ITGA11: variants seen among roughly 807,000 people sequenced by gnomAD.
The protein encoded by ITGA11 is integrin alpha-11.
Under a neutral mutation model 141.9 loss-of-function variants are expected in ITGA11, and 97 were observed. The ratio of observed to expected loss-of-function variants is 0.68; its 90% CI spans 0.58 to 0.81. The LOEUF (loss-of-function observed/expected upper bound fraction) is 0.81, where lower values mean the gene tolerates loss of function less well. Ranked by LOEUF, ITGA11 falls within the 30% of genes least tolerant of loss-of-function variation. The pLI is 0.00. For missense variants in ITGA11, 1,387 were observed against 1,559.2 expected (o/e 0.89, Z 1.86); for synonymous variants, 658 against 624.6 (o/e 1.05, Z -0.80).
intron 2 of ITGA11, among the ~76,000 whole-genome samples, chr15:68,387,537 G>T (rs1342433607): frequency 6.6e-6 from 1 of 152,234 alleles, no homozygotes; most frequent in Non-Finnish European, 1.5e-5. Context: ...GCTAAGGTTT[G>T]AGAGTCATTG....
intron 1 of ITGA11, among the ~76,000 whole-genome samples, chr15:68,418,369 C>T (rs1358570061): frequency 6.6e-6 from 1 of 152,170 alleles, no homozygotes; most frequent in African/African-American, 2.4e-5. Context: ...ACTTAGAGTA[C>T]TGGATTTGGC....
At chr15:68,372,630 G>T (rs1031435458) in intron 2 of ITGA11, among the ~76,000 whole-genome samples, 3 of 152,162 alleles carry the variant, frequency 2.0e-5, no homozygotes, top group African/African-American at 7.2e-5. Flanking sequence ...CTCTAAGAAG[G>T]GCCTTGCCAA....
At chr15:68,396,549 T>C (rs1462796326) in intron 2 of ITGA11, among the ~76,000 whole-genome samples, 1 of 151,914 alleles carries the variant, frequency 6.6e-6, no homozygotes, top group African/African-American at 2.4e-5. Flanking sequence ...CCACTTCTTT[T>C]TGACCTTGCA....
intron 1 of ITGA11, among the ~76,000 whole-genome samples, chr15:68,409,656 A>G (rs974282091): frequency 2.7e-5 from 4 of 150,610 alleles, no homozygotes; most frequent in African/African-American, 9.8e-5. Flanking sequence ...ATAGTCCCCT[A>G]CCACTTAGAT....
chr15:68,415,552 C>T (rs1436623558), intron 1 of ITGA11, among the ~76,000 whole-genome samples: 1 of 152,194 alleles, frequency 6.6e-6, no homozygotes, highest in Non-Finnish European at 1.5e-5. Context: ...AACAGCACGT[C>T]CCCAGTCCAC....
intron 2 of ITGA11, among the ~76,000 whole-genome samples, chr15:68,396,094 A>T (rs1457686226): frequency 1.3e-5 from 2 of 152,054 alleles, no homozygotes; most frequent in Non-Finnish European, 2.9e-5. Context: ...CCAAAAAGAA[A>T]ATTTACAGGT....
chr15:68,380,203 T>C (rs1359663165), intron 2 of ITGA11, among the ~76,000 whole-genome samples: 2 of 152,122 alleles, frequency 1.3e-5, no homozygotes, highest in African/African-American at 2.4e-5. Context: ...CCACAGGGAT[T>C]TGGGTAACGC....
In ITGA11 at chr15:68,313,765, G is replaced by C; in HGVS notation, c.2882+14C>G. The C allele has an allele frequency of 6.2e-7, 1 of 1,611,474 alleles. No homozygotes were observed. Reference sequence around the variant, plus strand: ...ATGCCTTCCCTCTCCTGGGGCCCCCGGAGCCCGGCCCACCTGGTGAAGAGG... The same window carrying C: ...ATGCCTTCCCTCTCCTGGGGCCCCCCGAGCCCGGCCCACCTGGTGAAGAGG... On this transcript the variant is annotated intron_variant, in intron 23 of 29. Coordinates refer to ENST00000315757, the MANE Select transcript of ITGA11 (RefSeq NM_001004439.2).
At chr15:68,370,316 T>TGCCCTGGAGGAAAAGCCTGCG (rs1895549122) in intron 2 of ITGA11, among the ~76,000 whole-genome samples, 1 of 152,178 alleles carries the variant, frequency 6.6e-6, no homozygotes, top group Non-Finnish European at 1.5e-5. Context: ...CCGGTGGCCG[T>TGCCCTGGAGGAAAAGCCTGCG]GCCCTGGAGG....
intron 2 of ITGA11, among the ~76,000 whole-genome samples, chr15:68,380,333 G>A (rs1895828664): frequency 6.6e-6 from 1 of 152,188 alleles, no homozygotes; most frequent in Non-Finnish European, 1.5e-5. Flanking sequence ...CCCACGGTGA[G>A]TCACCTGCCA....
At chr15:68,370,575 G>A (rs538495096) in intron 2 of ITGA11, among the ~76,000 whole-genome samples, 11 of 152,314 alleles carry the variant, frequency 7.2e-5, no homozygotes, top group South Asian at 2.1e-4. Context: ...CTTGGGTGCC[G>A]GTCTGGCTCT....
At chr15:68,339,941 T>A (rs1458773184) in intron 10 of ITGA11, among the ~76,000 whole-genome samples, 1 of 152,026 alleles carries the variant, frequency 6.6e-6, no homozygotes, top group Non-Finnish European at 1.5e-5. Flanking sequence ...CAAACCTCCA[T>A]CCCTCCTTGG....
At chr15:68,371,351 T>C (rs1895583526) in intron 2 of ITGA11, among the ~76,000 whole-genome samples, 1 of 152,202 alleles carries the variant, frequency 6.6e-6, no homozygotes, top group African/African-American at 2.4e-5. Flanking sequence ...CCGGGCACTG[T>C]TGCCAGATGG....
intron 10 of ITGA11, among the ~76,000 whole-genome samples, chr15:68,343,588 A>G (rs898580): frequency 0.56 from 84,698 of 151,832 alleles, 23,799 homozygotes; most frequent in Admixed American, 0.6. Flanking sequence ...AGGCAAGACG[A>G]TGGAGCCAGG....
intron 3 of ITGA11, chr15:68,365,547 GGTGTGTGTGTGTGTGT>G (rs58398705): frequency 6.7e-6 from 1 of 149,542 alleles, no homozygotes; most frequent in Admixed American, 6.6e-5. Flanking sequence ...AGTGTGTTGG[GGTGTGTGTGTGTGTGT>G]GTGTGTGTGT....
Position 68,300,613 on chromosome 15 carries a change from G to A in ITGA11, c.*2446C>T, listed in dbSNP as rs1439795288. The A allele has an allele frequency of 6.6e-6, 1 of 152,184 alleles. No individual in the cohort carries two copies. Among genetic ancestry groups the A allele is most frequent in the African/African-American group, 2.4e-5 (1 of 41,426 alleles). 9.4% of individuals were successfully genotyped at this position (152,184 alleles called of 1,614,324 possible). ...CTTCAGGGTAAATAGATTCAGAAAG[G>A]GAAACTTGATAACAAATTGAGAGGC... On this transcript the variant is annotated 3_prime_UTR_variant, in exon 30 of 30. Coordinates refer to ENST00000315757, the MANE Select transcript of ITGA11 (RefSeq NM_001004439.2).
At position 68,303,902 on chromosome 15, in the gene ITGA11, G is replaced by T; in HGVS notation, c.3382-17C>A. 6.4e-7 allele frequency: 1 copy of T among 1,560,536 alleles called. No homozygotes were observed. Among genetic ancestry groups the T allele is most frequent in the Non-Finnish European group, 8.8e-7 (1 of 1,132,446 alleles). On this transcript the variant is annotated splice_polypyrimidine_tract_variant and intron_variant, in intron 28 of 29. Coordinates refer to ENST00000315757, the MANE Select transcript of ITGA11 (RefSeq NM_001004439.2). The surrounding 1 kb of genome is among the most constrained non-coding windows in gnomAD (Gnocchi z 5.3). ...AAACACGATCTGCAAGGGGAGGGGG[G>T]CCGGGCCAACAGCATTACTCTTCTG...
At chr15:68,397,867 G>C (rs1314040011) in intron 2 of ITGA11, among the ~76,000 whole-genome samples, 1 of 144,820 alleles carries the variant, frequency 6.9e-6, no homozygotes, top group African/African-American at 2.5e-5. Context: ...TTAAAGAAAA[G>C]AATCTTCAAC....
At chr15:68,389,076 TC>T (rs1363295344) in intron 2 of ITGA11, among the ~76,000 whole-genome samples, 1 of 152,116 alleles carries the variant, frequency 6.6e-6, no homozygotes, top group African/African-American at 2.4e-5. Context: ...TCCCATGCTG[TC>T]CCCTCCATCT....
Sources: allele counts gnomAD v4.1 joint callset (sites outside exome capture counted in the v4.1 genomes callset), GRCh38; gene constraint gnomAD v4.1.1; non-coding constraint Gnocchi (gnomAD v3.1); transcripts MANE v1.5; gene names NCBI Gene and HGNC (gene_info 2026-07-23, HGNC 2026-07-21).